FUBP3: variants seen among roughly 807,000 people sequenced by gnomAD.
The protein encoded by FUBP3 is far upstream element-binding protein 3.
In FUBP3, 28 loss-of-function variants were observed where a neutral mutation model predicts 85.6. The observed-to-expected ratio is 0.33, with a 90% CI of 0.24 to 0.45. FUBP3 has a LOEUF of 0.45. FUBP3 is among the 20% of genes least tolerant of loss of function. FUBP3 has a pLI of 1.00. For synonymous variants in FUBP3, 271 were observed against 271.4 expected (o/e 1.00, Z 0.01); for missense variants, 583 against 755.1 (o/e 0.77, Z 2.67).
chr9:130,603,342 G>A, intron 2 of FUBP3, among the ~76,000 whole-genome samples: 1 of 78,058 alleles, frequency 1.3e-5, no homozygotes, highest in African/African-American at 7.7e-5. Context: ...GCAAGACTCT[G>A]TCTCCAAAAA....
intron 2 of FUBP3, among the ~76,000 whole-genome samples, chr9:130,605,886 A>G (rs1430621174): frequency 6.8e-6 from 1 of 147,798 alleles, no homozygotes; most frequent in African/African-American, 2.4e-5. Flanking sequence ...TGGTAGGCTG[A>G]AGCAGGAGAA....
At chr9:130,603,726 G>C (rs1272832048) in intron 2 of FUBP3, among the ~76,000 whole-genome samples, 2 of 152,178 alleles carry the variant, frequency 1.3e-5, no homozygotes, top group African/African-American at 4.8e-5. Context: ...CATGTACAAT[G>C]CCTGTTACAT....
At chr9:130,592,341 T>G (rs1021709357) in intron 1 of FUBP3, among the ~76,000 whole-genome samples, 3 of 152,192 alleles carry the variant, frequency 2.0e-5, no homozygotes, top group Admixed American at 6.5e-5. Flanking sequence ...TGTTTTTGAG[T>G]CAAGAGTCTC....
chr9:130,632,097 G>T, intron 15 of FUBP3, 75 bp downstream of exon 15: 2 of 1,463,126 alleles, frequency 1.4e-6, no homozygotes, highest in Non-Finnish European at 1.9e-6. Context: ...GACAGGCAAG[G>T]GTCCGGTGAT....
At chr9:130,601,443 A>T (rs894042146) in intron 2 of FUBP3, among the ~76,000 whole-genome samples, 1 of 152,088 alleles carries the variant, frequency 6.6e-6, no homozygotes, top group East Asian at 1.9e-4. Context: ...AGCAGGCCTC[A>T]TACTCCCCCT....
chr9:130,595,412 G>A, intron 1 of FUBP3, 71 bp from the exon 2 acceptor site: 1 of 819,978 alleles, frequency 1.2e-6, no homozygotes, highest in Non-Finnish European at 2.2e-6. Flanking sequence ...CTTTAAAGAG[G>A]ACACTTGTCT....
chr9:130,634,507 C>T (rs1460974643), intron 16 of FUBP3, 160 bp from the exon 17 acceptor site: 17 of 608,168 alleles, frequency 2.8e-5, no homozygotes, highest in Non-Finnish European at 4.1e-5. Flanking sequence ...CCCCTTCCCC[C>T]AGCCCTGCCA....
At chr9:130,617,933 TG>T in intron 8 of FUBP3, 38 bp downstream of exon 8, 1 of 962,150 alleles carries the variant, frequency 1.0e-6, no homozygotes, top group Non-Finnish European at 1.6e-6. Flanking sequence ...TCCTGGCTGT[TG>T]GGGCTATCAC....
At chr9:130,624,615 G>A (rs985264809) in intron 11 of FUBP3, among the ~76,000 whole-genome samples, 2 of 108,046 alleles carry the variant, frequency 1.9e-5, no homozygotes, top group African/African-American at 7.0e-5. Context: ...GATTTTGTGT[G>A]TGTGTGTGTG....
chr9:130,602,650 T>A (rs1306820567), intron 2 of FUBP3, among the ~76,000 whole-genome samples: 1 of 152,106 alleles, frequency 6.6e-6, no homozygotes, highest in Non-Finnish European at 1.5e-5. Flanking sequence ...ATTGGAGGGA[T>A]GAAAAGCCAA....
In FUBP3 at chr9:130,632,016, C is replaced by A; in HGVS notation, c.1427C>A (p.Pro476His). 1 of 1,610,718 alleles carries A rather than the reference C, an allele frequency of 6.2e-7. No homozygotes were observed. Among genetic ancestry groups the A allele is most frequent in the Non-Finnish European group, 8.5e-7 (1 of 1,176,848 alleles). ...GTGAATGGGAACCCCCACAGCACCC[C>A]TGTGAGGTAGGTGACCTGCTGTGAC... is the stretch of plus-strand genomic sequence containing the variant. The part of the protein sequence containing the change: ...AKVNGNPHST[P>H]VSGPPAFLTQ... Residue 476 changes from proline (P) to histidine (H), a missense_variant, in exon 15 of 19, where the codon CCT becomes CAT. Pro to His is a moderately conservative substitution (Grantham distance 77). Around this residue, in one of 3 missense-constraint regions of FUBP3, gnomAD observed 404 missense variants for 516.8 expected, o/e 0.78. Coordinates refer to ENST00000319725, the MANE Select transcript of FUBP3 (RefSeq NM_003934.2).
Position 130,620,415 on chromosome 9 carries a change from T to A in FUBP3, c.728T>A (p.Val243Glu), listed in dbSNP as rs748009507. 6.2e-7 allele frequency: 1 copy of A among 1,605,166 alleles called. No individual in the cohort carries two copies. The highest frequency in any genetic ancestry group is 8.5e-7 in the Non-Finnish European group (1 of 1,175,028). Residue 243 changes from valine to glutamate, a missense_variant, in exon 9 of 19, where the codon GTA (valine) becomes GAA (glutamate). Physicochemically the swap from Val to Glu is moderately radical, Grantham distance 121. Around this residue, in one of 3 missense-constraint regions of FUBP3, gnomAD observed 404 missense variants for 516.8 expected, o/e 0.78. Coordinates refer to ENST00000319725, the MANE Select transcript of FUBP3 (RefSeq NM_003934.2). ...REKDQADFRGVRGDFNSRMGG... is the reference protein window; with the variant it reads ...REKDQADFRGERGDFNSRMGG... ...AAAGACCAAGCTGACTTTCGGGGTG[T>A]ACGCGGCGATTTCAACTCTCGAATG...
intron 7 of FUBP3, 95 bp from the exon 8 acceptor site, chr9:130,617,702 G>T: frequency 1.2e-6 from 1 of 829,870 alleles, no homozygotes. Context: ...TGGGATGTGC[G>T]CTTATTGTGG....
intron 1 of FUBP3, among the ~76,000 whole-genome samples, chr9:130,586,559 C>T (rs1481697714): frequency 6.6e-6 from 1 of 151,804 alleles, no homozygotes; most frequent in Non-Finnish European, 1.5e-5. Context: ...CTAATAAGGG[C>T]TATTAATTCT....
At chr9:130,603,732 T>TA (rs1375326385) in intron 2 of FUBP3, among the ~76,000 whole-genome samples, 37 of 152,364 alleles carry the variant, frequency 2.4e-4, no homozygotes, top group Admixed American at 7.2e-4. Context: ...CAATGCCTGT[T>TA]ACATTCTTCG....
chr9:130,614,262 C>T (rs1831892733), intron 5 of FUBP3, 26 bp from the exon 6 acceptor site: 1 of 1,529,734 alleles, frequency 6.5e-7, no homozygotes, highest in African/African-American at 1.4e-5. Context: ...CACCAACACC[C>T]CTCATCTTCT....
At chr9:130,614,796 T>A (rs1241969180) in intron 6 of FUBP3, among the ~76,000 whole-genome samples, 1 of 152,220 alleles carries the variant, frequency 6.6e-6, no homozygotes, top group Non-Finnish European at 1.5e-5. Context: ...TCTTCGTGAC[T>A]TTGCTCTACT....
intron 12 of FUBP3, among the ~76,000 whole-genome samples, chr9:130,627,404 C>A (rs1338098685): frequency 6.6e-6 from 1 of 152,198 alleles, no homozygotes; most frequent in Non-Finnish European, 1.5e-5. Flanking sequence ...ACCAAATACC[C>A]CTTAGCTGCT....
Position 130,635,968 on chromosome 9 carries a change from G to T in FUBP3, c.1583-31G>T. On this transcript the variant is annotated intron_variant, in intron 17 of 18. Transcript: ENST00000319725. The surrounding 1 kb of genome is among the most constrained non-coding windows in gnomAD (Gnocchi z 4.3). ...TCCTGCCCAGTGCACCTCCGCTCCC[G>T]ATAACCTGTGTTTCCTCCTTTGTCA... 6.2e-7 allele frequency: 1 copy of T among 1,609,502 alleles called. No homozygotes were observed. The highest frequency in any genetic ancestry group is 1.1e-5 in the South Asian group (1 of 90,700).
Sources: gnomAD v4.1 joint callset for allele counts (sites outside exome capture counted in the v4.1 genomes callset) on GRCh38, gnomAD v4.1.1 for gene constraint, gnomAD v4.1.1 regional missense constraint, Gnocchi (gnomAD v3.1) non-coding constraint, MANE v1.5 for transcripts, NCBI Gene and HGNC (gene_info 2026-07-23, HGNC 2026-07-21) for gene names.